Variants in ZNF503 observed in about 807,000 individuals in gnomAD.
The protein encoded by ZNF503 is zinc finger protein 503, also known as NocA-like zinc finger 2.
Under a neutral mutation model 34.4 loss-of-function variants are expected in ZNF503, and 15 were observed. That is an observed-to-expected ratio of 0.44 (90% CI 0.29 to 0.67). ZNF503 has a LOEUF of 0.67. Among genes scored for constraint, ZNF503 ranks in the 30% least tolerant of loss-of-function variants. The pLI is 0.13. For synonymous variants in ZNF503, 580 were observed against 456.8 expected (o/e 1.27, Z -3.44); for missense variants, 1,007 against 926.8 (o/e 1.09, Z -1.12).
chr10:75,389,985 C>A, the ZNF503 span, among the ~76,000 whole-genome samples: 1 of 152,074 alleles, frequency 6.6e-6, no homozygotes, highest in Non-Finnish European at 1.5e-5. Flanking sequence ...CTCTGCCTCC[C>A]GGGTTCGCGC....
the ZNF503 span, among the ~76,000 whole-genome samples, chr10:75,385,137 A>G: frequency 6.6e-6 from 1 of 152,064 alleles, no homozygotes; most frequent in African/African-American, 2.4e-5. Context: ...CATCTTAGGG[A>G]CCCGGAGGCC....
the ZNF503 span, among the ~76,000 whole-genome samples, chr10:75,340,032 C>T: frequency 1.9e-4 from 29 of 151,516 alleles, no homozygotes; most frequent in African/African-American, 5.8e-4. Context: ...CTGGGCAACA[C>T]GGCAAAACCC....
At chr10:75,400,991 C>A (rs1843795789) in intron 1 of ZNF503, 114 bp downstream of exon 1, 8 of 1,453,280 alleles carry the variant, frequency 5.5e-6, no homozygotes, top group East Asian at 4.9e-5. Context: ...TTCCCCCATT[C>A]GGGAGCTGAA....
chr10:75,293,952 C>A, the ZNF503 span, among the ~76,000 whole-genome samples: 27 of 152,282 alleles, frequency 1.8e-4, no homozygotes, highest in South Asian at 4.8e-3. Context: ...CTTCTCTGAG[C>A]CCTCAGGGAC....
the ZNF503 span, among the ~76,000 whole-genome samples, chr10:75,377,432 A>G: frequency 6.6e-6 from 1 of 152,230 alleles, no homozygotes. Context: ...CTGCAATTTT[A>G]TAAAACACAG....
the ZNF503 span, among the ~76,000 whole-genome samples, chr10:75,333,098 C>CG: frequency 1.9e-4 from 27 of 141,804 alleles, no homozygotes; most frequent in South Asian, 2.3e-3. Flanking sequence ...GCTGGCCGGG[C>CG]GGGGGGCTGA....
At position 75,398,966 on chromosome 10, in the gene ZNF503, A is replaced by T. The variant is rs1236326397; in HGVS notation, c.1724T>A (p.Ile575Asn). 3 of 1,604,566 alleles carry T rather than the reference A, an allele frequency of 1.9e-6. No individual in the cohort carries two copies. The highest frequency in any genetic ancestry group is 2.5e-6 in the Non-Finnish European group (3 of 1,178,890). The change falls in exon 2 of 2, where the codon ATC becomes AAC. Residue 575 changes from isoleucine (I) to asparagine (N), a missense_variant. Coordinates refer to ENST00000372524, the MANE Select transcript of ZNF503 (RefSeq NM_032772.6). ...AAAAMACHMH[I>N]PTSGAPGSPG... Reference sequence around the variant, plus strand: ...GCTGCCCGGTGCGCCCGAGGTGGGGATGTGCATGTGGCAAGCCATGGCGGC... The same window carrying T: ...GCTGCCCGGTGCGCCCGAGGTGGGGTTGTGCATGTGGCAAGCCATGGCGGC...
the ZNF503 span, among the ~76,000 whole-genome samples, chr10:75,376,225 T>C: frequency 6.6e-6 from 1 of 152,210 alleles, no homozygotes; most frequent in Non-Finnish European, 1.5e-5. Flanking sequence ...CTTCCTGCCA[T>C]GACCCAACTC....
chr10:75,355,745 G>A, the ZNF503 span, among the ~76,000 whole-genome samples: 2 of 152,214 alleles, frequency 1.3e-5, no homozygotes, highest in African/African-American at 2.4e-5. Context: ...ATTTAGTGGT[G>A]TAAAACAACC....
At chr10:75,365,470 A>C in the ZNF503 span, among the ~76,000 whole-genome samples, 1 of 152,228 alleles carries the variant, frequency 6.6e-6, no homozygotes, top group African/African-American at 2.4e-5. Flanking sequence ...CAAAGAAAGA[A>C]AAAAGAGAAA....
the ZNF503 span, among the ~76,000 whole-genome samples, chr10:75,373,113 G>A: frequency 1.3e-5 from 2 of 152,254 alleles, no homozygotes; most frequent in African/African-American, 2.4e-5. Flanking sequence ...GGTCGTGCAC[G>A]TATTCGCCAT....
the ZNF503 span, among the ~76,000 whole-genome samples, chr10:75,348,669 G>A: frequency 2.0e-5 from 3 of 151,662 alleles, no homozygotes; most frequent in East Asian, 2.0e-4. Context: ...CTGCCACCAC[G>A]CCCGGCTAAT....
chr10:75,393,718 G>C (rs896391013), downstream of ZNF503, among the ~76,000 whole-genome samples: 3 of 152,042 alleles, frequency 2.0e-5, no homozygotes, highest in African/African-American at 7.2e-5. Flanking sequence ...ATTTAGCTGG[G>C]CATGGTGGTG....
the ZNF503 span, among the ~76,000 whole-genome samples, chr10:75,285,378 T>A: frequency 6.6e-6 from 1 of 152,264 alleles, no homozygotes; most frequent in Non-Finnish European, 1.5e-5. Context: ...GAATTTCTAG[T>A]TAATGACATT....
the ZNF503 span, among the ~76,000 whole-genome samples, chr10:75,287,230 A>C: frequency 6.6e-6 from 1 of 152,072 alleles, no homozygotes; most frequent in South Asian, 2.1e-4. Flanking sequence ...GGCTGCCACC[A>C]GTCTGCCACC....
At chr10:75,389,245 C>T in the ZNF503 span, among the ~76,000 whole-genome samples, 1 of 152,184 alleles carries the variant, frequency 6.6e-6, no homozygotes, top group Non-Finnish European at 1.5e-5. Context: ...CTTCCAGCAA[C>T]GGGACAACCA....
the ZNF503 span, among the ~76,000 whole-genome samples, chr10:75,343,898 C>CG: frequency 2.6e-5 from 4 of 152,132 alleles, no homozygotes; most frequent in African/African-American, 7.2e-5. Context: ...GTGAATTGTG[C>CG]GGGGGGTGAC....
chr10:75,292,633 G>A, the ZNF503 span, among the ~76,000 whole-genome samples: 5 of 152,234 alleles, frequency 3.3e-5, no homozygotes, highest in Non-Finnish European at 7.4e-5. Flanking sequence ...GCCTATTCCC[G>A]GGCCAATCAT....
At chr10:75,312,736 C>T in the ZNF503 span, among the ~76,000 whole-genome samples, 1 of 151,658 alleles carries the variant, frequency 6.6e-6, no homozygotes. Context: ...TGAAAGTAGA[C>T]AGATTAAAAA....
Sources: allele counts gnomAD v4.1 joint callset (sites outside exome capture counted in the v4.1 genomes callset), GRCh38; gene constraint gnomAD v4.1.1; transcripts MANE v1.5; gene names NCBI Gene and HGNC (gene_info 2026-07-23, HGNC 2026-07-21).